PRL: variants seen among roughly 807,000 people sequenced by gnomAD.
PRL encodes the protein prolactin, also known as decidual prolactin.
Under a neutral mutation model 21.3 loss-of-function variants are expected in PRL, and 24 were observed. That is an observed-to-expected ratio of 1.13 (90% CI 0.82 to 1.59). The LOEUF is 1.59. Among genes scored for constraint, PRL ranks in the 40% most tolerant of loss-of-function variants. The probability of loss-of-function intolerance (pLI) is 0.00; values close to 1 mark genes in which losing one functional copy is unlikely to be tolerated. For synonymous variants in PRL, 118 were observed against 115.7 expected, an observed-to-expected ratio of 1.02 and a Z score of -0.13; for missense variants, 243 against 286.9, an observed-to-expected ratio of 0.85 and a Z score of 1.10.
chr6:22,293,029 C>T (rs1761087570), intron 2 of PRL, among the ~76,000 whole-genome samples: 1 of 152,162 alleles, frequency 6.6e-6, no homozygotes, highest in Non-Finnish European at 1.5e-5. Flanking sequence ...TGCCACAGTG[C>T]AAATGTATTT....
intron 4 of PRL, among the ~76,000 whole-genome samples, chr6:22,289,508 C>G (rs1761002894): frequency 6.6e-6 from 1 of 152,134 alleles, no homozygotes; most frequent in Non-Finnish European, 1.5e-5. Context: ...TGAGTTTTGA[C>G]TTTGGAGTCC....
chr6:22,292,342 G>T (rs1761067646), intron 3 of PRL, among the ~76,000 whole-genome samples, 196 bp downstream of exon 3: 1 of 152,152 alleles, frequency 6.6e-6, no homozygotes, highest in South Asian at 2.1e-4. Context: ...TATTTAGATT[G>T]CTGCCACCAT....
At chr6:22,300,538 T>TAGGG (rs1761264533), upstream of PRL, among the ~76,000 whole-genome samples, 1 of 152,248 alleles carries the variant, frequency 6.6e-6, no homozygotes, top group African/African-American at 2.4e-5. Flanking sequence ...AAACCATTAC[T>TAGGG]CGTTTAGGGT....
In PRL at chr6:22,294,583, C is replaced by A. The variant is rs202088762; in HGVS notation, c.30G>T (p.Gly10=). ...TTGACACCAGCAGCAGCAGGAGGGA[C>A]CCTGCTTAAATAAGAACGCGAGCCA... MNIKGSPWK[G]SLLLLLVSNL... The change falls in exon 2 of 5, where the codon GGG becomes GGT. Residue 10 remains glycine, a splice_region_variant and synonymous_variant. Transcript: ENST00000306482. 3.0e-4 allele frequency: 478 copies of A among 1,572,210 alleles called. 2 individuals carry two copies. The highest frequency in any genetic ancestry group is 1.0e-4 in the Non-Finnish European group (117 of 1,160,888).
intron 3 of PRL, among the ~76,000 whole-genome samples, chr6:22,292,233 G>C (rs1265980854): frequency 6.6e-6 from 1 of 152,210 alleles, no homozygotes; most frequent in African/African-American, 2.4e-5. Context: ...ACTCACAGAA[G>C]TCCAATTCAG....
At position 22,292,603 on chromosome 6, in the gene PRL, T is replaced by C. The variant is rs773521195; in HGVS notation, c.247A>G (p.Ile83Val). 1 of 1,614,162 alleles carries C rather than the reference T, an allele frequency of 6.2e-7. No homozygotes were observed. The highest frequency in any genetic ancestry group is 8.5e-7 in the Non-Finnish European group (1 of 1,180,026). ...THGRGFITKA[I>V]NSCHTSSLAT... Reference sequence around the variant, plus strand: ...AGGGAAGAAGTGTGGCAGCTGTTGATGGCCTTGGTAATGAACCCCCGGCCA... The same window carrying C: ...AGGGAAGAAGTGTGGCAGCTGTTGACGGCCTTGGTAATGAACCCCCGGCCA... Residue 83 changes from isoleucine (I) to valine (V), a missense_variant, in exon 3 of 5, where the codon ATC becomes GTC. Coordinates refer to ENST00000306482, the MANE Select transcript of PRL (RefSeq NM_000948.6).
In PRL at chr6:22,294,567, G is replaced by C. The variant is rs983587304; in HGVS notation, c.46C>G (p.Leu16Val). 7 of 1,596,470 alleles carry C rather than the reference G, an allele frequency of 4.4e-6. No homozygotes were observed. The African/African-American group carries it at 8.1e-5, about 18-fold the overall frequency. ...TGGCACAGGAGCAGGTTTGACACCAGCAGCAGCAGGAGGGACCCTGCTTAA... is the reference window on the plus strand; with the variant it reads ...TGGCACAGGAGCAGGTTTGACACCACCAGCAGCAGGAGGGACCCTGCTTAA... ...SPWKGSLLLLLVSNLLLCQSV... is the reference protein window; with the variant it reads ...SPWKGSLLLLVVSNLLLCQSV... Residue 16 changes from leucine (L) to valine (V), a missense_variant, in exon 2 of 5, where the codon CTG becomes GTG. Coordinates refer to ENST00000306482, the MANE Select transcript of PRL (RefSeq NM_000948.6).
Position 22,288,887 on chromosome 6 carries a change from T to A in PRL, c.492+1287A>T, listed in dbSNP as rs181184167. On this transcript the variant is annotated intron_variant, in intron 4 of 4. Coordinates refer to ENST00000306482, the MANE Select transcript of PRL (RefSeq NM_000948.6). The surrounding 1 kb of genome is among the most constrained non-coding windows in gnomAD (Gnocchi z 4.5). ...GTGTGTGTGTGTATGCGCGTGCGCG[T>A]GTGTGTGCGTGTGTGCGCGCGCGTG... 2.5e-4 allele frequency among the ~76,000 whole-genome samples: 38 copies of A among 151,890 alleles called. No individual in the cohort carries two copies. In the East Asian group the frequency reaches 3.5e-3, roughly 14 times the overall value.
intron 3 of PRL, 50 bp from the exon 4 acceptor site, chr6:22,290,403 G>T: frequency 7.3e-7 from 1 of 1,374,710 alleles, no homozygotes; most frequent in Non-Finnish European, 9.6e-7. Context: ...AATACAATGG[G>T]GTTAGTTACT....
At chr6:22,292,041 A>G (rs1237909199) in intron 3 of PRL, among the ~76,000 whole-genome samples, 1 of 152,190 alleles carries the variant, frequency 6.6e-6, no homozygotes, top group Non-Finnish European at 1.5e-5. Flanking sequence ...TCAGTGAAGA[A>G]TGAAAAAGTG....
chr6:22,292,005 C>G (rs1232397252), intron 3 of PRL, among the ~76,000 whole-genome samples: 3 of 151,962 alleles, frequency 2.0e-5, no homozygotes, highest in Non-Finnish European at 4.4e-5. Flanking sequence ...TGACTTTTAA[C>G]TAAGAAGTAA....
chr6:22,298,437 A>T (rs1761223055), upstream of PRL, among the ~76,000 whole-genome samples: 2 of 152,232 alleles, frequency 1.3e-5, no homozygotes, highest in Admixed American at 6.5e-5. Context: ...GAGGTAATTT[A>T]AAAAATAGTC....
intron 3 of PRL, among the ~76,000 whole-genome samples, chr6:22,292,050 T>C (rs980871015): frequency 1.3e-5 from 2 of 152,140 alleles, no homozygotes; most frequent in African/African-American, 4.8e-5. Flanking sequence ...AATGAAAAAG[T>C]GGGTGTCAGA....
In PRL at chr6:22,287,586, G is replaced by A. The variant is rs749070148; in HGVS notation, c.500C>T (p.Pro167Leu). The A allele has an allele frequency of 1.3e-6, 2 of 1,597,076 alleles. No homozygotes were observed. Among genetic ancestry groups the A allele is most frequent in the Non-Finnish European group, 1.7e-6 (2 of 1,169,502 alleles). The change falls in exon 5 of 5, where the codon CCT (proline) becomes CTT (leucine). Residue 167 changes from proline to leucine, a missense_variant. Physicochemically the swap from Pro to Leu is moderately conservative, Grantham distance 98. Coordinates refer to ENST00000306482, the MANE Select transcript of PRL (RefSeq NM_000948.6). ...GMELIVSQVH[P>L]ETKENEIYPV... ...GTAGATCTCATTTTCTTTGGTTTCA[G>A]GATGAACCTAATCACACAAAAAAAG...
At chr6:22,289,886 G>A (rs1761008768) in intron 4 of PRL, among the ~76,000 whole-genome samples, 1 of 152,168 alleles carries the variant, frequency 6.6e-6, no homozygotes, top group African/African-American at 2.4e-5. Context: ...CTATTCTCTA[G>A]TTTTCACTCC....
intron 3 of PRL, among the ~76,000 whole-genome samples, chr6:22,291,154 G>A (rs945938820): frequency 6.6e-5 from 10 of 152,022 alleles, no homozygotes; most frequent in Non-Finnish European, 7.4e-5. Context: ...CTAGTCTAGT[G>A]GTAACAAAAT....
chr6:22,301,443 A>AG (rs2113523324), upstream of PRL, among the ~76,000 whole-genome samples: 1 of 152,254 alleles, frequency 6.6e-6, no homozygotes, highest in South Asian at 2.1e-4. Context: ...GTGAGACTGT[A>AG]GGGGTTGACC....
upstream of PRL, among the ~76,000 whole-genome samples, chr6:22,300,383 G>C (rs934179198): frequency 1.3e-5 from 2 of 152,192 alleles, no homozygotes; most frequent in African/African-American, 4.8e-5. Context: ...TAGCAGCTGA[G>C]CTTTCAGCCA....
upstream of PRL, among the ~76,000 whole-genome samples, chr6:22,299,620 C>CA (rs1397954948): frequency 3.3e-5 from 5 of 152,300 alleles, no homozygotes; most frequent in East Asian, 9.7e-4. Context: ...GCAGGAGGAT[C>CA]AAGAGATCAG....
Sources: gnomAD v4.1 joint callset for allele counts (sites outside exome capture counted in the v4.1 genomes callset) on GRCh38, gnomAD v4.1.1 for gene constraint, Gnocchi (gnomAD v3.1) non-coding constraint, MANE v1.5 for transcripts, NCBI Gene and HGNC (gene_info 2026-07-23, HGNC 2026-07-21) for gene names.